Variants in SSH2 observed in about 807,000 individuals in gnomAD.
SSH2 encodes slingshot protein phosphatase 2.
SSH2 carries 37 observed loss-of-function variants against 135.2 expected under a neutral mutation model. The ratio of observed to expected loss-of-function variants is 0.27; its 90% CI spans 0.21 to 0.36. The LOEUF is 0.36. SSH2 is among the 10% of genes least tolerant of loss of function. The pLI, the probability that SSH2 is intolerant of heterozygous loss-of-function variation, is 1.00. For synonymous variants in SSH2, 628 were observed against 646.2 expected (o/e 0.97, Z 0.43); for missense variants, 1,408 against 1,765.3 (o/e 0.80, Z 3.63).
At chr17:29,836,136 C>A (rs1166008527) in intron 2 of SSH2, among the ~76,000 whole-genome samples, 1 of 151,868 alleles carries the variant, frequency 6.6e-6, no homozygotes, top group Non-Finnish European at 1.5e-5. Context: ...GGGTGGATTC[C>A]AAGTACATAT....
At chr17:29,674,726 G>T (rs757521921) in intron 8 of SSH2, among the ~76,000 whole-genome samples, 9 of 152,090 alleles carry the variant, frequency 5.9e-5, no homozygotes, top group Non-Finnish European at 1.0e-4. Context: ...GGGCCACATC[G>T]GAAGAACTGT....
chr17:29,671,524 G>A (rs2037493970), intron 9 of SSH2, among the ~76,000 whole-genome samples: 2 of 152,072 alleles, frequency 1.3e-5, no homozygotes, highest in Non-Finnish European at 2.9e-5. Flanking sequence ...ATTCTTTTAA[G>A]TTGACTGGAA....
chr17:29,659,049 C>T (rs1362058897), intron 11 of SSH2, among the ~76,000 whole-genome samples: 1 of 152,154 alleles, frequency 6.6e-6, no homozygotes, highest in East Asian at 1.9e-4. Context: ...ATATGCTACA[C>T]ATAATTTTTT....
intron 3 of SSH2, among the ~76,000 whole-genome samples, chr17:29,708,757 T>C (rs909604960): frequency 4.6e-5 from 7 of 151,458 alleles, no homozygotes; most frequent in Non-Finnish European, 7.4e-5. Context: ...AAGTTAAATA[T>C]AACCCCGAAG....
rs1312624298 is a variant in SSH2 at position 29,626,184 on chromosome 17, A to G, written c.*4657T>C. The G allele has an allele frequency of 6.6e-6, 1 of 152,520 alleles. No homozygotes were observed. The highest frequency in any genetic ancestry group is 1.5e-5 in the Non-Finnish European group (1 of 68,012). The allele number at this position is 152,520 out of a possible 1,614,324, so 9.4% of individuals were successfully genotyped here. ...ACCTGCTTTAATAAAACATGAGCAT[A>G]AAAGTTTGGGGTGGCTTGGGGCAAA... On this transcript the variant is annotated 3_prime_UTR_variant, in exon 16 of 16. Transcript: ENST00000540801.
chr17:29,895,250 T>C (rs1205463446), intron 1 of SSH2, among the ~76,000 whole-genome samples: 3 of 138,164 alleles, frequency 2.2e-5, no homozygotes, highest in Non-Finnish European at 3.1e-5. Context: ...ACATTATATA[T>C]ACATTTTATA....
chr17:29,733,479 A>G (rs1242191043), intron 3 of SSH2, among the ~76,000 whole-genome samples: 1 of 152,288 alleles, frequency 6.6e-6, no homozygotes, highest in Non-Finnish European at 1.5e-5. Context: ...TCTGCAGGAA[A>G]GTTAAACATA....
At chr17:29,889,364 T>C (rs994245721) in intron 1 of SSH2, among the ~76,000 whole-genome samples, 2 of 152,130 alleles carry the variant, frequency 1.3e-5, no homozygotes, top group Admixed American at 1.3e-4. Flanking sequence ...AAGAATTGCT[T>C]GAACCTGGGA....
intron 1 of SSH2, among the ~76,000 whole-genome samples, chr17:29,894,597 G>A (rs2066409011): frequency 6.6e-6 from 1 of 150,742 alleles, no homozygotes. Context: ...ATTTTTATTG[G>A]GGTTTTCCCA....
intron 1 of SSH2, chr17:29,863,499 A>G (rs2065801601): frequency 6.6e-6 from 1 of 152,162 alleles, no homozygotes; most frequent in African/African-American, 2.4e-5. Context: ...GAGAAAACAA[A>G]CTGCCCTTTC....
At position 29,870,278 on chromosome 17, in the gene SSH2, TAA is replaced by T. The variant is rs34621507; in HGVS notation, c.64-21351_64-21350del. Among the ~76,000 whole-genome samples the T allele has an allele frequency of 9.8e-3, 1,416 of 144,132 alleles. 34 individuals carry two copies. The highest frequency in any genetic ancestry group is 0.031 in the African/African-American group (1,236 of 39,428). The allele number at this position is 144,132 out of a possible 152,430, so 94.6% of individuals were successfully genotyped here. A position where few individuals can be genotyped will look rare whatever the true frequency, so the allele number is the denominator to read the frequency against. On this transcript the variant is annotated intron_variant, in intron 1 of 15. Transcript: ENST00000540801. ...GGAAATATTTCTAAAGCAGAATAGG[TAA>T]AAAAAAAAAAAGCAAAATATGCAAT... is the stretch of plus-strand genomic sequence containing the variant.
At chr17:29,792,089 AT>A (rs1244869784) in intron 3 of SSH2, among the ~76,000 whole-genome samples, 3 of 150,228 alleles carry the variant, frequency 2.0e-5, no homozygotes, top group Admixed American at 2.0e-4. Flanking sequence ...TGCCTGGCTA[AT>A]TTTTTTTTGT....
At chr17:29,635,395 C>T (rs535137117) in intron 15 of SSH2, among the ~76,000 whole-genome samples, 5 of 152,136 alleles carry the variant, frequency 3.3e-5, no homozygotes, top group East Asian at 1.9e-4. Flanking sequence ...ATATTAACTG[C>T]GTATCTTTGG....
chr17:29,900,918 G>T (rs2066538893), intron 1 of SSH2, among the ~76,000 whole-genome samples: 1 of 152,106 alleles, frequency 6.6e-6, no homozygotes, highest in Non-Finnish European at 1.5e-5. Context: ...AGAAAATGTG[G>T]CATATATACA....
Position 29,626,962 on chromosome 17 carries a change from A to G in SSH2, c.*3879T>C, listed in dbSNP as rs1214942432. On this transcript the variant is annotated 3_prime_UTR_variant, in exon 16 of 16. Transcript: ENST00000540801. ...GCCATTCACCATTACAACCATCACTATAAGACACACCATCACTGAGGAAAT... is the reference window on the plus strand; with the variant it reads ...GCCATTCACCATTACAACCATCACTGTAAGACACACCATCACTGAGGAAAT... 6.6e-6 allele frequency: 1 copy of G among 152,272 alleles called. No individual in the cohort carries two copies. The highest frequency in any genetic ancestry group is 6.5e-5 in the Admixed American group (1 of 15,290). The allele number at this position is 152,272 out of a possible 1,614,324, so 9.4% of individuals were successfully genotyped here.
Position 29,695,778 on chromosome 17 carries a change from C to T in SSH2, c.293-255G>A, listed in dbSNP as rs190547229. Among the ~76,000 whole-genome samples the T allele has an allele frequency of 1.8e-3, 279 of 152,148 alleles. 2 individuals carry two copies. The highest frequency in any genetic ancestry group is 6.5e-3 in the African/African-American group (271 of 41,480). ...GTTCTATGAAAGGTACACTTGAGAC[C>T]AGTCTCAGTTTTGTATTATGGTGGA... On this transcript the variant is annotated intron_variant, in intron 4 of 15. Coordinates refer to ENST00000540801, the MANE Select transcript of SSH2 (RefSeq NM_001282129.2).
intron 8 of SSH2, 151 bp from the exon 9 acceptor site, chr17:29,672,280 A>T (rs534877823): frequency 6.9e-5 from 40 of 582,566 alleles, no homozygotes; most frequent in African/African-American, 6.5e-4. Flanking sequence ...TCCAATTCTG[A>T]TTATACCATA....
chr17:29,844,586 T>A (rs1599079771), intron 2 of SSH2, among the ~76,000 whole-genome samples: 1 of 152,222 alleles, frequency 6.6e-6, no homozygotes, highest in Non-Finnish European at 1.5e-5. Flanking sequence ...CCTTCTTATC[T>A]GAAGCCAAGG....
chr17:29,893,559 G>A (rs1567636331), intron 1 of SSH2, among the ~76,000 whole-genome samples: 1 of 152,024 alleles, frequency 6.6e-6, no homozygotes, highest in Non-Finnish European at 1.5e-5. Flanking sequence ...CCCAGACACC[G>A]AATCTGCTGG....
Sources: allele counts gnomAD v4.1 joint callset (sites outside exome capture counted in the v4.1 genomes callset), GRCh38; gene constraint gnomAD v4.1.1; transcripts MANE v1.5; gene names NCBI Gene and HGNC (gene_info 2026-07-23, HGNC 2026-07-21).